The following SLC24A2 variants were observed in gnomAD, a reference collection of about 807,000 sequenced individuals.
SLC24A2 encodes solute carrier family 24 member 2.
In SLC24A2, 36 loss-of-function variants were observed where a neutral mutation model predicts 62.0. The observed-to-expected ratio is 0.58, with a 90% CI of 0.44 to 0.77. The LOEUF (loss-of-function observed/expected upper bound fraction) is 0.77, where lower values mean the gene tolerates loss of function less well. Ranked by LOEUF, SLC24A2 falls within the 30% of genes least tolerant of loss-of-function variation. The pLI, the probability that SLC24A2 is intolerant of heterozygous loss-of-function variation, is 0.00. For missense variants in SLC24A2, 846 were observed against 817.9 expected (o/e 1.03, Z -0.42); for synonymous variants, 358 against 294.0 (o/e 1.22, Z -2.23).
the SLC24A2 span, among the ~76,000 whole-genome samples, chr9:19,983,257 A>C: frequency 6.6e-6 from 1 of 152,168 alleles, no homozygotes. Context: ...TTTATAGAAA[A>C]TCCCAAAGGA....
chr9:19,922,545 A>T, the SLC24A2 span, among the ~76,000 whole-genome samples: 6 of 152,202 alleles, frequency 3.9e-5, no homozygotes, highest in Non-Finnish European at 8.8e-5. Flanking sequence ...AATGACAGCT[A>T]TGAAAAATCC....
At chr9:20,282,522 A>T in the SLC24A2 span, among the ~76,000 whole-genome samples, 1 of 152,198 alleles carries the variant, frequency 6.6e-6, no homozygotes, top group African/African-American at 2.4e-5. Flanking sequence ...AATGCCCCAA[A>T]TCATACTCTA....
the SLC24A2 span, among the ~76,000 whole-genome samples, chr9:19,820,489 A>G: frequency 6.6e-6 from 1 of 151,686 alleles, no homozygotes; most frequent in Non-Finnish European, 1.5e-5. Context: ...TCATGTAACC[A>G]AATACCACTT....
chr9:20,039,174 G>C, the SLC24A2 span, among the ~76,000 whole-genome samples: 1 of 152,206 alleles, frequency 6.6e-6, no homozygotes, highest in East Asian at 1.9e-4. Context: ...CTGGCCCTGA[G>C]TTTTAGCCCT....
At chr9:19,699,463 A>C (rs1820292803) in intron 2 of SLC24A2, among the ~76,000 whole-genome samples, 1 of 152,204 alleles carries the variant, frequency 6.6e-6, no homozygotes, top group Admixed American at 6.5e-5. Context: ...TTCAACAGTA[A>C]GTGAATAATG....
chr9:19,615,575 A>G (rs1291970432), intron 4 of SLC24A2, among the ~76,000 whole-genome samples: 1 of 152,216 alleles, frequency 6.6e-6, no homozygotes, highest in East Asian at 1.9e-4. Context: ...CCTGCTATGG[A>G]GCAATTTTAA....
chr9:19,660,542 G>T (rs996905544), intron 2 of SLC24A2, among the ~76,000 whole-genome samples: 1 of 152,148 alleles, frequency 6.6e-6, no homozygotes, highest in Non-Finnish European at 1.5e-5. Context: ...ATTTTGAGGA[G>T]GGGGACAGGT....
the SLC24A2 span, among the ~76,000 whole-genome samples, chr9:20,128,077 AT>A: frequency 6.6e-6 from 1 of 152,108 alleles, no homozygotes; most frequent in African/African-American, 2.4e-5. Flanking sequence ...TTAAAATGAA[AT>A]CGTGTAATTT....
the SLC24A2 span, among the ~76,000 whole-genome samples, chr9:19,955,442 G>C: frequency 5.4e-5 from 8 of 149,214 alleles, no homozygotes; most frequent in Non-Finnish European, 8.9e-5. Context: ...GCCAAAACAA[G>C]TGAGAGATAC....
chr9:20,237,914 A>G, the SLC24A2 span, among the ~76,000 whole-genome samples: 3 of 152,152 alleles, frequency 2.0e-5, no homozygotes, highest in Non-Finnish European at 4.4e-5. Flanking sequence ...AGAGTCAGGT[A>G]GTTCTGGAAG....
At chr9:19,612,315 T>C (rs1346551283) in intron 4 of SLC24A2, among the ~76,000 whole-genome samples, 1 of 152,226 alleles carries the variant, frequency 6.6e-6, no homozygotes, top group African/African-American at 2.4e-5. Flanking sequence ...TTTCATATAC[T>C]AGCTCACATA....
At chr9:19,625,239 T>C (rs1818004286) in intron 2 of SLC24A2, among the ~76,000 whole-genome samples, 1 of 152,186 alleles carries the variant, frequency 6.6e-6, no homozygotes, top group South Asian at 2.1e-4. Context: ...GCTGTATTAA[T>C]ATGAAAGCCC....
chr9:20,004,849 C>T, the SLC24A2 span, among the ~76,000 whole-genome samples: 1 of 151,474 alleles, frequency 6.6e-6, no homozygotes, highest in Non-Finnish European at 1.5e-5. Context: ...ATAATTGAAC[C>T]TGAGTTGATG....
At chr9:19,907,575 AC>A in the SLC24A2 span, among the ~76,000 whole-genome samples, 1 of 152,062 alleles carries the variant, frequency 6.6e-6, no homozygotes, top group African/African-American at 2.4e-5. Context: ...TATCTAGAAA[AC>A]CCCATCGTCT....
intron 7 of SLC24A2, among the ~76,000 whole-genome samples, chr9:19,553,698 T>TACCACCAACACCTGCAAGCAGTC (rs1351094866): frequency 6.6e-6 from 1 of 152,182 alleles, no homozygotes; most frequent in Non-Finnish European, 1.5e-5. Flanking sequence ...CTTGGGTAGT[T>TACCACCAACACCTGCAAGCAGTC]ACCACCAACA....
At chr9:19,636,319 C>CTTT (rs1554690372) in intron 2 of SLC24A2, among the ~76,000 whole-genome samples, 1 of 43,476 alleles carries the variant, frequency 2.3e-5, no homozygotes, top group African/African-American at 1.0e-4. Context: ...CTTTTCTTTT[C>CTTT]TTTCTTTCTT....
the SLC24A2 span, among the ~76,000 whole-genome samples, chr9:20,197,556 C>T: frequency 6.6e-5 from 10 of 151,728 alleles, 1 homozygote; most frequent in African/African-American, 2.2e-4. Flanking sequence ...CTCACCCTCC[C>T]GAGTAGCTGA....
chr9:20,084,308 C>CTGGCTAGGGAGAGCCAA, the SLC24A2 span, among the ~76,000 whole-genome samples: 1 of 152,166 alleles, frequency 6.6e-6, no homozygotes, highest in Non-Finnish European at 1.5e-5. Flanking sequence ...TTGATTTGTC[C>CTGGCTAGGGAGAGCCAA]TGGCTAGGGA....
chr9:19,622,131 G>A, intron 3 of SLC24A2, 130 bp downstream of exon 3: 1 of 754,228 alleles, frequency 1.3e-6, no homozygotes, highest in Non-Finnish European at 2.4e-6. Context: ...TACACATCAG[G>A]GGTTAGATTA....
Sources: gnomAD v4.1 joint callset for allele counts (sites outside exome capture counted in the v4.1 genomes callset) on GRCh38, gnomAD v4.1.1 for gene constraint, MANE v1.5 for transcripts, NCBI Gene and HGNC (gene_info 2026-07-23, HGNC 2026-07-21) for gene names.